SRMS: variants seen among roughly 807,000 people sequenced by gnomAD.
SRMS encodes the protein src-related kinase lacking C-terminal regulatory tyrosine and N-terminal myristylation sites, also known as tyrosine-protein kinase Srms.
In SRMS, 42 loss-of-function variants were observed where a neutral mutation model predicts 43.5. The observed-to-expected ratio is 0.97, with a 90% CI of 0.75 to 1.25. SRMS has a LOEUF of 1.25. SRMS is among the 50% of genes most tolerant of loss of function. The probability of loss-of-function intolerance (pLI) is 0.00; values close to 1 mark genes in which losing one functional copy is unlikely to be tolerated. For synonymous variants in SRMS, 316 were observed against 308.2 expected, an observed-to-expected ratio of 1.03 and a Z score of -0.27; for missense variants, 703 against 681.0, an observed-to-expected ratio of 1.03 and a Z score of -0.36.
At chr20:63,542,775 G>A (rs1005732714) in intron 3 of SRMS, among the ~76,000 whole-genome samples, 194 bp from the exon 4 acceptor site, 5 of 152,182 alleles carry the variant, frequency 3.3e-5, no homozygotes, top group African/African-American at 1.2e-4. Flanking sequence ...ATTGCTCTGG[G>A]GGCCTAAGTG....
chr20:63,540,275 G>A lies in SRMS; in HGVS notation c.*543C>T, dbSNP rs960329236. Reference sequence around the variant, plus strand: ...ACACATCCAGTGGGGTCAACACCACGGTCTGCCTGGGAGTCAGCACTGGTC... The same window carrying A: ...ACACATCCAGTGGGGTCAACACCACAGTCTGCCTGGGAGTCAGCACTGGTC... On this transcript the variant is annotated 3_prime_UTR_variant, in exon 8 of 8. Transcript: ENST00000217188. Among the ~76,000 whole-genome samples the A allele has an allele frequency of 3.3e-5, 5 of 152,214 alleles. No individual in the cohort carries two copies. Among genetic ancestry groups the A allele is most frequent in the East Asian group, 1.9e-4 (1 of 5,202 alleles).
In SRMS at chr20:63,542,036, G is replaced by A. The variant is rs943440952; in HGVS notation, c.946+127C>T. 1.8e-5 allele frequency: 24 copies of A among 1,352,746 alleles called. No homozygotes were observed. In the South Asian group the frequency reaches 2.2e-4, roughly 12 times the overall value. The allele number at this position is 1,352,746 out of a possible 1,614,324, so 83.8% of individuals were successfully genotyped here. A position where few individuals can be genotyped will look rare whatever the true frequency, so the allele number is the denominator to read the frequency against. On this transcript the variant is annotated intron_variant, in intron 5 of 7. Coordinates refer to ENST00000217188, the MANE Select transcript of SRMS (RefSeq NM_080823.4). ...CCAGACAGGGATGGGATCTGCAGCC[G>A]GGGCCACCTGCTCCCGGTAGAGAGG...
At position 63,539,312 on chromosome 20, in the gene SRMS, C is replaced by G. The variant is rs545367364; in HGVS notation, c.*1506G>C. ...CCCCGCGCTGCCTCCGTTCTCGGAG[C>G]CTCCGAGTGGCCTCTTCCTTCCCCG... On this transcript the variant is annotated 3_prime_UTR_variant, in exon 8 of 8. Transcript: ENST00000217188. Among the ~76,000 whole-genome samples the G allele has an allele frequency of 1.1e-3, 175 of 152,366 alleles. No homozygotes were observed. The Middle Eastern group carries it at 0.017, about 15-fold the overall frequency.
rs749048193 is a variant in SRMS at position 63,543,424 on chromosome 20, GGCTGCCATCA to G, written c.525_534del (p.Asp176SerfsTer25). The stretch of plus-strand genomic sequence containing the variant: ...AAGAGCCGTCCCTTCTGCAGGTAGA[GGCTGCCATCA>G]GCTGCCATGGAGACCCGGTAGTGGC... On this transcript the variant is annotated frameshift_variant, in exon 3 of 8. Coordinates refer to ENST00000217188, the MANE Select transcript of SRMS (RefSeq NM_080823.4). LOFTEE classifies it high-confidence loss of function. 2.5e-6 allele frequency: 4 copies of G among 1,612,738 alleles called. No individual in the cohort carries two copies. The African/African-American group carries it at 4.0e-5, about 16-fold the overall frequency.
Position 63,541,187 on chromosome 20 carries a change from C to T in SRMS, c.1285+4G>A, listed in dbSNP as rs769516228. 6.4e-7 allele frequency: 1 copy of T among 1,550,988 alleles called. No individual in the cohort carries two copies. The highest frequency in any genetic ancestry group is 8.7e-7 in the Non-Finnish European group (1 of 1,152,692). Reference sequence around the variant, plus strand: ...ATCCTCCCTCTGGCTGCCTGGGGACCCACCTTCATAGGGACACTGGCCATA... The same window carrying T: ...ATCCTCCCTCTGGCTGCCTGGGGACTCACCTTCATAGGGACACTGGCCATA... On this transcript the variant is annotated splice_donor_region_variant and intron_variant, in intron 7 of 7. Coordinates refer to ENST00000217188, the MANE Select transcript of SRMS (RefSeq NM_080823.4).
chr20:63,544,366 G>A lies in SRMS; in HGVS notation c.357-18C>T, dbSNP rs376392051. The A allele has an allele frequency of 1.9e-4, 275 of 1,459,698 alleles. No homozygotes were observed. Among genetic ancestry groups the A allele is most frequent in the Non-Finnish European group, 2.3e-4 (255 of 1,108,208 alleles). The allele number at this position is 1,459,698 out of a possible 1,614,324, so 90.4% of individuals were successfully genotyped here. On this transcript the variant is annotated intron_variant, in intron 1 of 7. Coordinates refer to ENST00000217188, the MANE Select transcript of SRMS (RefSeq NM_080823.4). ...AGTACCAGCTGCAAACAGCAGGTGC[G>A]GCAGTCACCTTGCAGGCCCCTCAGC...
In SRMS at chr20:63,544,644, T is replaced by A. The variant is rs2082721524; in HGVS notation, c.357-296A>T. On this transcript the variant is annotated intron_variant, in intron 1 of 7. Transcript: ENST00000217188. The stretch of plus-strand genomic sequence containing the variant: ...GTGACCGCCAGCCCCAGCCACAGGT[T>A]AACAGTCAGCCCTGGCCATGGGCCA... Among the ~76,000 whole-genome samples the A allele has an allele frequency of 2.0e-5, 3 of 151,944 alleles. No individual in the cohort carries two copies. In the South Asian group the frequency reaches 6.2e-4, roughly 32 times the overall value.
chr20:63,543,573 G>T, intron 2 of SRMS, 93 bp from the exon 3 acceptor site: 1 of 1,472,774 alleles, frequency 6.8e-7, no homozygotes, highest in Non-Finnish European at 9.2e-7. Flanking sequence ...CCCACTAAGG[G>T]GTCTGGCTCA....
intron 5 of SRMS, 35 bp downstream of exon 5, chr20:63,542,128 C>T (rs373892626): frequency 2.8e-5 from 44 of 1,588,216 alleles, no homozygotes; most frequent in African/African-American, 1.5e-4. Flanking sequence ...GTCGCAGGCG[C>T]GTCAGGGCCA....
intron 1 of SRMS, 146 bp from the exon 2 acceptor site, chr20:63,544,494 C>T (rs1278568981): frequency 9.2e-7 from 1 of 1,086,880 alleles, no homozygotes; most frequent in African/African-American, 1.7e-5. Context: ...AGTCCCAGCT[C>T]AAGGTCTGCA....
rs1217076408 is a variant in SRMS at position 63,542,667 on chromosome 20, G to A, written c.646-86C>T. 1.0e-5 allele frequency: 15 copies of A among 1,449,754 alleles called. 1 individual carries two copies. The highest frequency in any genetic ancestry group is 2.9e-5 in the African/African-American group (2 of 70,042). The allele number at this position is 1,449,754 out of a possible 1,614,324, so 89.8% of individuals were successfully genotyped here. On this transcript the variant is annotated intron_variant, in intron 3 of 7. Coordinates refer to ENST00000217188, the MANE Select transcript of SRMS (RefSeq NM_080823.4). Reference sequence around the variant, plus strand: ...CAGCCCCCCACACCAGGCCTCTGGCGGGCACCCCTGTCCCCAGCACACACT... The same window carrying A: ...CAGCCCCCCACACCAGGCCTCTGGCAGGCACCCCTGTCCCCAGCACACACT...
chr20:63,544,278 C>A lies in SRMS; in HGVS notation c.427G>T (p.Ala143Ser), dbSNP rs374975845. The A allele has an allele frequency of 4.7e-6, 7 of 1,481,808 alleles. No individual in the cohort carries two copies. Among genetic ancestry groups the A allele is most frequent in the South Asian group, 1.3e-5 (1 of 76,156 alleles). 91.8% of individuals were successfully genotyped at this position (1,481,808 alleles called of 1,614,324 possible). A position where few individuals can be genotyped will look rare whatever the true frequency, so the allele number is the denominator to read the frequency against. ...CTCTCGCTGGGCCGGATGAGGAAGG[C>A]CCCTGGTTCGTTGGGTGGGGAGAGG... ...LLLSPPNEPGAFLIRPSESSL... is the reference protein window; with the variant it reads ...LLLSPPNEPGSFLIRPSESSL... The change falls in exon 2 of 8, where the codon GCC (alanine) becomes TCC (serine). Residue 143 changes from alanine to serine, a missense_variant. Coordinates refer to ENST00000217188, the MANE Select transcript of SRMS (RefSeq NM_080823.4).
At chr20:63,541,676 A>G (rs310656) in intron 5 of SRMS, 56 bp from the exon 6 acceptor site, 1,175,487 of 1,447,328 alleles carry the variant, frequency 0.81, 481,084 homozygotes, top group East Asian at 1. Context: ...CGGTGAGGCC[A>G]GCGTCCACCC....
In SRMS at chr20:63,544,308, G is replaced by T. The variant is rs1284003015; in HGVS notation, c.397C>A (p.Leu133Met). Residue 133 changes from leucine (L) to methionine (M), a missense_variant, in exon 2 of 8, where the codon CTG (leucine) becomes ATG (methionine). Leu to Met is a conservative substitution (Grantham distance 15). Coordinates refer to ENST00000217188, the MANE Select transcript of SRMS (RefSeq NM_080823.4). ...SGVSRTQAQQ[L>M]LLSPPNEPGA... Reference sequence around the variant, plus strand: ...GGTTCGTTGGGTGGGGAGAGGAGCAGCTGCTGTGCCTGGGTCCGACTGACC... The same window carrying T: ...GGTTCGTTGGGTGGGGAGAGGAGCATCTGCTGTGCCTGGGTCCGACTGACC... The T allele has an allele frequency of 6.7e-7, 1 of 1,484,150 alleles. No individual in the cohort carries two copies. Among genetic ancestry groups the T allele is most frequent in the South Asian group, 1.3e-5 (1 of 76,144 alleles). The allele number at this position is 1,484,150 out of a possible 1,614,324, so 91.9% of individuals were successfully genotyped here.
In SRMS at chr20:63,538,765, G is replaced by C. The variant is rs969574066; in HGVS notation, c.*2053C>G. ...AAGGAGGGTGCCGGGGCACCTGGCC[G>C]GGCAGCGTCCCTCAGAGCCCGGCCA... On this transcript the variant is annotated 3_prime_UTR_variant, in exon 8 of 8. Coordinates refer to ENST00000217188, the MANE Select transcript of SRMS (RefSeq NM_080823.4). 6.6e-6 allele frequency among the ~76,000 whole-genome samples: 1 copy of C among 152,008 alleles called. No homozygotes were observed. Among genetic ancestry groups the C allele is most frequent in the Non-Finnish European group, 1.5e-5 (1 of 67,960 alleles).
Position 63,539,415 on chromosome 20 carries a change from G to A in SRMS, c.*1403C>T, listed in dbSNP as rs1462718314. 3.3e-5 allele frequency among the ~76,000 whole-genome samples: 5 copies of A among 152,196 alleles called. No individual in the cohort carries two copies. Among genetic ancestry groups the A allele is most frequent in the African/African-American group, 4.8e-5 (2 of 41,442 alleles). On this transcript the variant is annotated 3_prime_UTR_variant, in exon 8 of 8. Transcript: ENST00000217188. ...CAGGCTTTGGCCGGGGCCTGTGGAC[G>A]GCAGCCATCAGCACTTCGGCTCAGC...
In SRMS at chr20:63,542,589, G is replaced by A; in HGVS notation, c.646-8C>T. On this transcript the variant is annotated splice_polypyrimidine_tract_variant and splice_region_variant and intron_variant, in intron 3 of 7. Coordinates refer to ENST00000217188, the MANE Select transcript of SRMS (RefSeq NM_080823.4). ...GTCCTGCCTCGGGGCCTTCTGCAGG[G>A]AGGGTGGGCAGGGAGGCTGGTCAGC... The A allele has an allele frequency of 6.3e-7, 1 of 1,589,358 alleles. No individual in the cohort carries two copies. Among genetic ancestry groups the A allele is most frequent in the Non-Finnish European group, 8.6e-7 (1 of 1,163,516 alleles).
rs116828009 is a variant in SRMS at position 63,542,880 on chromosome 20, C to T, written c.646-299G>A. 2.1e-3 allele frequency among the ~76,000 whole-genome samples: 319 copies of T among 152,318 alleles called. 2 individuals are homozygous for T. Among genetic ancestry groups the T allele is most frequent in the African/African-American group, 6.7e-3 (277 of 41,560 alleles). On this transcript the variant is annotated intron_variant, in intron 3 of 7. Coordinates refer to ENST00000217188, the MANE Select transcript of SRMS (RefSeq NM_080823.4). The stretch of plus-strand genomic sequence containing the variant: ...AGACCAGAGAAACCAGACTGCTGCC[C>T]TGGCCCTCGGCAGGGTGGCTCACAT...
chr20:63,542,608 G>A (rs772457388), intron 3 of SRMS, 27 bp from the exon 4 acceptor site: 2 of 1,587,442 alleles, frequency 1.3e-6, no homozygotes, highest in Non-Finnish European at 1.7e-6. Context: ...CAGGGAGGCT[G>A]GTCAGCGTGG....
Sources: gnomAD v4.1 joint callset for allele counts (sites outside exome capture counted in the v4.1 genomes callset) on GRCh38, gnomAD v4.1.1 for gene constraint, MANE v1.5 for transcripts, NCBI Gene and HGNC (gene_info 2026-07-23, HGNC 2026-07-21) for gene names.